The following DNHD1 variants were observed in gnomAD, a reference collection of about 807,000 sequenced individuals.
The protein encoded by DNHD1 is dynein heavy chain domain 1.
Under a neutral mutation model 458.1 loss-of-function variants are expected in DNHD1, and 383 were observed. The ratio of observed to expected loss-of-function variants is 0.84; its 90% CI spans 0.77 to 0.91. The LOEUF is 0.91. DNHD1 is among the 40% of genes least tolerant of loss of function. The pLI, the probability that DNHD1 is intolerant of heterozygous loss-of-function variation, is 0.00. For missense variants in DNHD1, 5,336 were observed against 5,866.1 expected (o/e 0.91, Z 2.95); for synonymous variants, 2,203 against 2,376.9 (o/e 0.93, Z 2.13).
chr11:6,516,783 G>A lies in DNHD1; in HGVS notation c.1393-2817G>A, dbSNP rs184375492. ...TGTTGAGTGAATGAATGACAAGTAT[G>A]AATTTTTAACCATATCGTTCTCCCA... On this transcript the variant is annotated intron_variant, in intron 7 of 42. Coordinates refer to ENST00000254579, the MANE Select transcript of DNHD1 (RefSeq NM_144666.3). Among the ~76,000 whole-genome samples the A allele has an allele frequency of 1.7e-3, 264 of 152,246 alleles. 1 individual carries two copies. Among genetic ancestry groups the A allele is most frequent in the Non-Finnish European group, 2.9e-3 (196 of 68,006 alleles).
intron 12 of DNHD1, among the ~76,000 whole-genome samples, chr11:6,531,338 C>T (rs778106482): frequency 1.3e-5 from 2 of 152,200 alleles, no homozygotes; most frequent in Non-Finnish European, 2.9e-5. Flanking sequence ...CAACCTGTCT[C>T]CAAATCCTTG....
intron 33 of DNHD1, 31 bp downstream of exon 33, chr11:6,566,022 C>G (rs12292436): frequency 0.2 from 315,555 of 1,547,480 alleles, 36,146 homozygotes; most frequent in Non-Finnish European, 0.24. Context: ...ACCCTGGCCC[C>G]TTTTTGACTT....
Position 6,564,042 on chromosome 11 carries a change from A to G in DNHD1, c.10202A>G (p.Gln3401Arg). 2.6e-6 allele frequency: 4 copies of G among 1,551,732 alleles called. No individual in the cohort carries two copies. The highest frequency in any genetic ancestry group is 3.5e-6 in the Non-Finnish European group (4 of 1,147,006). Reference protein sequence around the residue: ...SHNCVAKTLSQAQCGQYHKWP... With the variant: ...SHNCVAKTLSRAQCGQYHKWP... ...AACTGCGTGGCAAAGACCCTCAGTC[A>G]AGCACAGTGTGGGCAGTATCACAAA... The change falls in exon 31 of 43, where the codon CAA becomes CGA. Residue 3401 changes from glutamine to arginine, a missense_variant. Transcript: ENST00000254579.
rs977697502 is a variant in DNHD1 at position 6,539,440 on chromosome 11, G to T, written c.3420+127G>T. 7 of 697,406 alleles carry T rather than the reference G, an allele frequency of 1.0e-5. No homozygotes were observed. The East Asian group carries it at 1.9e-4, about 19-fold the overall frequency. 43.2% of individuals were successfully genotyped at this position (697,406 alleles called of 1,614,324 possible). A position where few individuals can be genotyped will look rare whatever the true frequency, so the allele number is the denominator to read the frequency against. On this transcript the variant is annotated intron_variant, in intron 17 of 42. Coordinates refer to ENST00000254579, the MANE Select transcript of DNHD1 (RefSeq NM_144666.3). ...GTTGAGCCTGCTAACCTGCCTGAAG[G>T]GCAGGAACAGTTTCTTTAAGTCTCC...
intron 12 of DNHD1, among the ~76,000 whole-genome samples, chr11:6,530,446 G>A (rs1852802879): frequency 6.6e-6 from 1 of 152,182 alleles, no homozygotes; most frequent in Non-Finnish European, 1.5e-5. Context: ...GCTCACAGCG[G>A]GGTAGATTTG....
chr11:6,502,250 A>G (rs899655510), intron 3 of DNHD1, among the ~76,000 whole-genome samples: 3 of 152,134 alleles, frequency 2.0e-5, no homozygotes, highest in African/African-American at 7.2e-5. Flanking sequence ...AGGTTGGGTG[A>G]TGGTAGGGGA....
Position 6,528,538 on chromosome 11 carries a change from G to A in DNHD1, c.1854G>A (p.Glu618=). ...SLYSEEEDEE[E]DSKDEFLMPK... ...CTCCACTAGAAGAAGATGAAGAGGA[G>A]GACTCAAAAGACGAATTTCTGATGC... Residue 618 remains glutamate (E), a synonymous_variant, in exon 11 of 43, where the codon GAG becomes GAA. Transcript: ENST00000254579. 6.5e-7 allele frequency: 1 copy of A among 1,550,100 alleles called. No homozygotes were observed. The highest frequency in any genetic ancestry group is 1.2e-5 in the South Asian group (1 of 84,024).
intron 14 of DNHD1, among the ~76,000 whole-genome samples, chr11:6,535,151 T>C (rs930551305): frequency 2.6e-5 from 4 of 152,242 alleles, no homozygotes; most frequent in African/African-American, 7.2e-5. Context: ...TTTCTCTGAG[T>C]TCTGGAAAAA....
intron 24 of DNHD1, among the ~76,000 whole-genome samples, chr11:6,555,805 G>A (rs954470262): frequency 2.6e-5 from 4 of 152,174 alleles, no homozygotes; most frequent in Non-Finnish European, 4.4e-5. Flanking sequence ...GTGGCAGAGG[G>A]ATTGATTGGC....
intron 28 of DNHD1, among the ~76,000 whole-genome samples, chr11:6,561,438 A>C (rs1406954035): frequency 2.0e-5 from 3 of 152,200 alleles, no homozygotes; most frequent in Non-Finnish European, 4.4e-5. Context: ...CAAAAAAGAA[A>C]AAAAAGAAAA....
chr11:6,498,670 A>C lies in DNHD1; in HGVS notation c.455A>C (p.Gln152Pro), dbSNP rs770236922. The C allele has an allele frequency of 8.7e-6, 14 of 1,614,068 alleles. No individual in the cohort carries two copies. The African/African-American group carries it at 1.9e-4, about 22-fold the overall frequency. ...DSASHADCCP[Q>P]KRRLHHRPPC... ...GCTTCCCATGCTGACTGCTGTCCCC[A>C]GAAGCGGAGGCTCCATCACAGGCCC... The change falls in exon 3 of 43, where the codon CAG becomes CCG. Residue 152 changes from glutamine to proline, a missense_variant. Around this residue, in one of 4 missense-constraint regions of DNHD1, gnomAD observed 3,932 missense variants for 4,365.6 expected, o/e 0.90. Transcript: ENST00000254579.
intron 28 of DNHD1, 140 bp from the exon 29 acceptor site, chr11:6,562,842 C>T: frequency 3.2e-6 from 3 of 947,296 alleles, no homozygotes; most frequent in Non-Finnish European, 4.7e-6. Context: ...AGCTCAGCCT[C>T]TCTCTGTGGC....
chr11:6,498,498 C>A lies in DNHD1; in HGVS notation c.283C>A (p.Arg95Ser), dbSNP rs752485929. The part of the protein sequence containing the change: ...HAVLGLLPPY[R>S]ELLVGHLDLL... ...AGTACTGGGTCTACTGCCTCCATAT[C>A]GTGAGTTGCTAGTTGGCCACCTTGA... The change falls in exon 3 of 43, where the codon CGT becomes AGT. Residue 95 changes from arginine (R) to serine (S), a missense_variant. Arg to Ser is a moderately radical substitution (Grantham distance 110). Coordinates refer to ENST00000254579, the MANE Select transcript of DNHD1 (RefSeq NM_144666.3). The A allele has an allele frequency of 4.3e-6, 7 of 1,614,226 alleles. No homozygotes were observed. The Admixed American group carries it at 8.3e-5, about 19-fold the overall frequency.
Position 6,547,808 on chromosome 11 carries a change from C to T in DNHD1, c.6728-55C>T. The stretch of plus-strand genomic sequence containing the variant: ...TACTGTCAACCTTTTTTCTTTCTTT[C>T]ACCTTCCACCTTTTTCTACTGGGGC... On this transcript the variant is annotated intron_variant, in intron 21 of 42. Transcript: ENST00000254579. 3.3e-6 allele frequency: 5 copies of T among 1,537,296 alleles called. No individual in the cohort carries two copies. The Admixed American group carries it at 6.2e-5, about 19-fold the overall frequency.
chr11:6,519,045 A>G (rs1852548165), intron 7 of DNHD1, among the ~76,000 whole-genome samples: 1 of 152,158 alleles, frequency 6.6e-6, no homozygotes, highest in South Asian at 2.1e-4. Flanking sequence ...CAGCCTTTAT[A>G]GGCTGAGGAA....
intron 24 of DNHD1, among the ~76,000 whole-genome samples, chr11:6,554,131 G>A (rs1853414839): frequency 6.6e-6 from 1 of 152,108 alleles, no homozygotes; most frequent in Non-Finnish European, 1.5e-5. Context: ...TTGGTATAAG[G>A]ATATACATAT....
In DNHD1 at chr11:6,569,850, G is replaced by A. The variant is rs72909033; in HGVS notation, c.12864-159G>A. ...AATAGGAGGTGGAACAGGTTTTGTG[G>A]GGGGAAATGATGATTTCAGTTGAAA... On this transcript the variant is annotated intron_variant, in intron 39 of 42. Transcript: ENST00000254579. 4.6e-3 allele frequency among the ~76,000 whole-genome samples: 706 copies of A among 152,262 alleles called. 6 individuals carry two copies. The highest frequency in any genetic ancestry group is 0.037 in the Middle Eastern group (11 of 294).
Position 6,571,184 on chromosome 11 carries a change from C to T in DNHD1, c.13672C>T (p.Arg4558Cys), listed in dbSNP as rs762260818. ...PWHWLRQLSR[R>C]GQLLVRYLGV... ...GCACTGGCTGCGACAGTTGTCGCGC[C>T]GTGGGCAACTGTTGGTTCGTTACTT... The change falls in exon 42 of 43, where the codon CGT (arginine) becomes TGT (cysteine). Residue 4558 changes from arginine (R) to cysteine (C), a missense_variant. This residue lies in a region of DNHD1 where 698 missense variants were observed against 664.9 expected (regional missense o/e 1.05). Transcript: ENST00000254579. The surrounding 1 kb of genome is among the most constrained non-coding windows in gnomAD (Gnocchi z 5.0). 2.5e-6 allele frequency: 4 copies of T among 1,604,294 alleles called. No individual in the cohort carries two copies. Among genetic ancestry groups the T allele is most frequent in the South Asian group, 1.1e-5 (1 of 90,698 alleles).
chr11:6,546,057 C>T lies in DNHD1; in HGVS notation c.5118C>T (p.Arg1706=). 1.9e-6 allele frequency: 3 copies of T among 1,551,278 alleles called. No individual in the cohort carries two copies. The highest frequency in any genetic ancestry group is 2.6e-6 in the Non-Finnish European group (3 of 1,146,648). The change falls in exon 21 of 43, where the codon CGC becomes CGT. Residue 1706 remains arginine (R), a synonymous_variant. Coordinates refer to ENST00000254579, the MANE Select transcript of DNHD1 (RefSeq NM_144666.3). ...ACAGCCTGGCACAGGCCCTGGGCCG[C>T]CAGCTGGTGATGCTACCCTGCTCAC... ...IVNSLAQALG[R]QLVMLPCSPQ... is the part of the protein sequence containing the mutation.
Sources: gnomAD v4.1 joint callset for allele counts (sites outside exome capture counted in the v4.1 genomes callset) on GRCh38, gnomAD v4.1.1 for gene constraint, gnomAD v4.1.1 regional missense constraint, Gnocchi (gnomAD v3.1) non-coding constraint, MANE v1.5 for transcripts, NCBI Gene and HGNC (gene_info 2026-07-23, HGNC 2026-07-21) for gene names.